PXDNL: variants seen among roughly 807,000 people sequenced by gnomAD.
The protein encoded by PXDNL is probable oxidoreductase PXDNL.
Under a neutral mutation model 150.8 loss-of-function variants are expected in PXDNL, and 145 were observed. The observed-to-expected ratio is 0.96, with a 90% CI of 0.84 to 1.10. The LOEUF is 1.10. Among genes scored for constraint, PXDNL ranks in the 50% least tolerant of loss-of-function variants. PXDNL has a pLI of 0.00. For synonymous variants in PXDNL, 757 were observed against 725.7 expected (o/e 1.04, Z -0.69); for missense variants, 2,087 against 1,873.9 (o/e 1.11, Z -2.10).
chr8:51,446,866 T>C (rs1048309467), intron 12 of PXDNL, 138 bp downstream of exon 12: 1 of 512,880 alleles, frequency 1.9e-6, no homozygotes, highest in African/African-American at 2.0e-5. Context: ...GAAGAAGATA[T>C]CAAATTTGCA....
chr8:51,673,511 G>T (rs1482902495), intron 1 of PXDNL, among the ~76,000 whole-genome samples: 1 of 152,146 alleles, frequency 6.6e-6, no homozygotes, highest in Admixed American at 6.5e-5. Context: ...AGAAGCTGTA[G>T]AGAGACAGAT....
chr8:51,452,924 G>GCACGCACACAAACACATACA, intron 10 of PXDNL, among the ~76,000 whole-genome samples: 1 of 61,284 alleles, frequency 1.6e-5, no homozygotes, highest in Non-Finnish European at 4.2e-5. Context: ...ACACACAAAC[G>GCACGCACACAAACACATACA]CACACACACA....
intron 1 of PXDNL, among the ~76,000 whole-genome samples, chr8:51,756,343 G>C (rs1258283744): frequency 1.4e-5 from 2 of 147,216 alleles, no homozygotes; most frequent in Admixed American, 6.9e-5. Context: ...AGTGAGTCCA[G>C]ATAGCATGAT....
intron 21 of PXDNL, among the ~76,000 whole-genome samples, chr8:51,324,001 G>A (rs1001017682): frequency 3.3e-5 from 5 of 151,852 alleles, no homozygotes; most frequent in African/African-American, 9.7e-5. Context: ...ACAGTGCGTG[G>A]CACTTTTATT....
intron 1 of PXDNL, among the ~76,000 whole-genome samples, chr8:51,666,403 T>C (rs1415410683): frequency 1.3e-5 from 2 of 152,164 alleles, no homozygotes; most frequent in African/African-American, 2.4e-5. Context: ...AAGCAGAAAG[T>C]ATATGCATGA....
At chr8:51,529,335 A>G (rs1188538797) in intron 4 of PXDNL, among the ~76,000 whole-genome samples, 1 of 152,194 alleles carries the variant, frequency 6.6e-6, no homozygotes, top group African/African-American at 2.4e-5. Flanking sequence ...CTGGAGCAAT[A>G]GTAATGGGTA....
At chr8:51,484,782 C>T (rs1810691664) in intron 5 of PXDNL, among the ~76,000 whole-genome samples, 1 of 152,200 alleles carries the variant, frequency 6.6e-6, no homozygotes, top group Admixed American at 6.5e-5. Context: ...TTGGCTCCCT[C>T]CATGCTGCCT....
In PXDNL at chr8:51,413,237, C is replaced by G. The variant is rs1446420699; in HGVS notation, c.1817G>C (p.Gly606Ala). 2 of 1,610,246 alleles carry G rather than the reference C, an allele frequency of 1.2e-6. No individual in the cohort carries two copies. The highest frequency in any genetic ancestry group is 2.2e-5 in the South Asian group (2 of 90,952). Reference sequence around the variant, plus strand: ...AATGGAAGATTCAACAAAGTCATCGCCAGCTTGTCTACCCTGTATAGCTTT... The same window carrying G: ...AATGGAAGATTCAACAAAGTCATCGGCAGCTTGTCTACCCTGTATAGCTTT... ...TVTAIQGRQA[G>A]DDFVESSILD... is the part of the protein sequence containing the mutation. The change falls in exon 15 of 23, where the codon GGC becomes GCC. Residue 606 changes from glycine to alanine, a missense_variant. Coordinates refer to ENST00000356297, the MANE Select transcript of PXDNL (RefSeq NM_144651.5).
At chr8:51,531,184 G>A (rs190267508) in intron 4 of PXDNL, among the ~76,000 whole-genome samples, 1 of 152,358 alleles carries the variant, frequency 6.6e-6, no homozygotes, top group African/African-American at 2.4e-5. Flanking sequence ...AAGTGTGTCA[G>A]CTAAAGCTGT....
intron 2 of PXDNL, among the ~76,000 whole-genome samples, chr8:51,612,865 G>A (rs931737105): frequency 3.3e-5 from 5 of 152,194 alleles, no homozygotes; most frequent in African/African-American, 1.2e-4. Flanking sequence ...AATAAACTAA[G>A]ACACATGGGA....
At chr8:51,654,638 C>G in intron 2 of PXDNL, 51 bp downstream of exon 2, 1 of 1,393,522 alleles carries the variant, frequency 7.2e-7, no homozygotes, top group Non-Finnish European at 1.0e-6. Context: ...AAATTGCCAT[C>G]CAACCAGCAT....
chr8:51,607,976 A>G (rs181499904), intron 2 of PXDNL, among the ~76,000 whole-genome samples: 7 of 136,454 alleles, frequency 5.1e-5, no homozygotes. Context: ...AAAGAAAGGA[A>G]GGAAGGAAGA....
intron 1 of PXDNL, among the ~76,000 whole-genome samples, chr8:51,739,433 G>T (rs904022576): frequency 6.6e-6 from 1 of 151,398 alleles, no homozygotes; most frequent in Non-Finnish European, 1.5e-5. Flanking sequence ...GCAAGAAAAA[G>T]AAATAATAGG....
chr8:51,527,515 T>C (rs59713862), intron 4 of PXDNL, among the ~76,000 whole-genome samples: 4,666 of 152,318 alleles, frequency 0.031, 214 homozygotes, highest in African/African-American at 0.11. Context: ...TTATATGAAG[T>C]ATCCGATTTG....
At chr8:51,702,517 C>T (rs1021905889) in intron 1 of PXDNL, among the ~76,000 whole-genome samples, 6 of 152,182 alleles carry the variant, frequency 3.9e-5, no homozygotes, top group Non-Finnish European at 7.4e-5. Flanking sequence ...TCAACTAACA[C>T]GCTCCCTTTT....
chr8:51,741,505 G>A (rs1232884466), intron 1 of PXDNL, among the ~76,000 whole-genome samples: 1 of 152,038 alleles, frequency 6.6e-6, no homozygotes, highest in African/African-American at 2.4e-5. Flanking sequence ...AAAGACACAG[G>A]ATCTAAACAG....
Position 51,472,237 on chromosome 8 carries a change from G to A in PXDNL, c.762C>T (p.Thr254=), listed in dbSNP as rs1255511204. Residue 254 remains threonine, a synonymous_variant, in exon 8 of 23, where the codon ACC becomes ACT. Coordinates refer to ENST00000356297, the MANE Select transcript of PXDNL (RefSeq NM_144651.5). ...EVPSGNTVYF[T]CRAEGNPKPE... is the part of the protein sequence containing the mutation. ...GTTTGGGGTTTCCTTCCGCCCGGCA[G>A]GTGAAGTAGACGGTATTTCCTGATG... 5 of 1,613,708 alleles carry A rather than the reference G, an allele frequency of 3.1e-6. No homozygotes were observed. The highest frequency in any genetic ancestry group is 4.2e-6 in the Non-Finnish European group (5 of 1,179,802).
chr8:51,461,182 G>T (rs1810070471), intron 8 of PXDNL, among the ~76,000 whole-genome samples: 1 of 152,354 alleles, frequency 6.6e-6, no homozygotes, highest in East Asian at 1.9e-4. Context: ...CACAGCTGAA[G>T]GATATCAAGC....
intron 1 of PXDNL, among the ~76,000 whole-genome samples, chr8:51,714,453 C>G (rs1226475637): frequency 2.0e-5 from 3 of 152,050 alleles, no homozygotes; most frequent in Non-Finnish European, 4.4e-5. Flanking sequence ...CTGGGAGGCT[C>G]TCTGTGCTTT....
Sources: allele counts gnomAD v4.1 joint callset (sites outside exome capture counted in the v4.1 genomes callset), GRCh38; gene constraint gnomAD v4.1.1; transcripts MANE v1.5; gene names NCBI Gene and HGNC (gene_info 2026-07-23, HGNC 2026-07-21).